The following ITGA9 variants were observed in gnomAD, a reference collection of about 807,000 sequenced individuals.
ITGA9 encodes integrin alpha-9.
Under a neutral mutation model 127.8 loss-of-function variants are expected in ITGA9, and 56 were observed. The observed-to-expected ratio is 0.44, with a 90% CI of 0.35 to 0.55. ITGA9 has a LOEUF of 0.55. Among genes scored for constraint, ITGA9 ranks in the 20% least tolerant of loss-of-function variants. ITGA9 has a pLI of 0.00. For missense variants in ITGA9, 1,196 were observed against 1,347.1 expected (o/e 0.89, Z 1.76); for synonymous variants, 508 against 514.5 (o/e 0.99, Z 0.17).
intron 14 of ITGA9, among the ~76,000 whole-genome samples, chr3:37,539,176 C>T (rs1264283481): frequency 6.6e-6 from 1 of 152,174 alleles, no homozygotes; most frequent in Non-Finnish European, 1.5e-5. Context: ...AATTATCTAG[C>T]ACAGTGCTTG....
intron 15 of ITGA9, among the ~76,000 whole-genome samples, chr3:37,582,832 G>C (rs932455367): frequency 3.3e-5 from 5 of 152,188 alleles, no homozygotes; most frequent in African/African-American, 9.7e-5. Context: ...GAAGATGTCT[G>C]TTCCACTTCT....
chr3:37,466,240 T>G (rs1386754937), intron 1 of ITGA9, among the ~76,000 whole-genome samples: 1 of 151,960 alleles, frequency 6.6e-6, no homozygotes, highest in Admixed American at 6.6e-5. Flanking sequence ...CCCAACACTT[T>G]GGGAGGCTGA....
chr3:37,583,153 T>C (rs1009293935), intron 15 of ITGA9, among the ~76,000 whole-genome samples: 1 of 152,212 alleles, frequency 6.6e-6, no homozygotes, highest in Admixed American at 6.5e-5. Context: ...TCTTTATTTC[T>C]GGATTCTCCT....
At chr3:37,622,188 C>T (rs1284995335) in intron 15 of ITGA9, among the ~76,000 whole-genome samples, 1 of 148,196 alleles carries the variant, frequency 6.7e-6, no homozygotes, top group African/African-American at 2.5e-5. Flanking sequence ...CCCAGGTTCA[C>T]ACCATTCTCC....
rs557337719 is a variant in ITGA9 at position 37,734,825 on chromosome 3, A to G, written c.2154+2027A>G. 2.6e-5 allele frequency among the ~76,000 whole-genome samples: 4 copies of G among 152,312 alleles called. No individual in the cohort carries two copies. The East Asian group carries it at 5.8e-4, about 22-fold the overall frequency. ...TTAGATAGAGCCCACAGAAGTATGAACATTGGAATGTTGGTTGTTTTCCCA... is the reference window on the plus strand; with the variant it reads ...TTAGATAGAGCCCACAGAAGTATGAGCATTGGAATGTTGGTTGTTTTCCCA... On this transcript the variant is annotated intron_variant, in intron 19 of 27. Transcript: ENST00000264741.
At chr3:37,741,169 G>A (rs762083932) in intron 20 of ITGA9, among the ~76,000 whole-genome samples, 12 of 152,216 alleles carry the variant, frequency 7.9e-5, no homozygotes, top group South Asian at 2.1e-4. Flanking sequence ...CAATCTATCC[G>A]CAAACTGGGC....
At chr3:37,756,262 A>G (rs1244835535) in intron 23 of ITGA9, among the ~76,000 whole-genome samples, 1 of 152,188 alleles carries the variant, frequency 6.6e-6, no homozygotes, top group Non-Finnish European at 1.5e-5. Flanking sequence ...TAAACAGAGC[A>G]AAAGAAAATA....
Position 37,703,984 on chromosome 3 carries a change from T to C in ITGA9, c.2067+19969T>C, listed in dbSNP as rs540761951. On this transcript the variant is annotated intron_variant, in intron 18 of 27. Transcript: ENST00000264741. The stretch of plus-strand genomic sequence containing the variant: ...CAAATACCAGCTTCCTTGGTGAGTA[T>C]TGGGGCTGGGGTTCAGGCACAGGCA... Among the ~76,000 whole-genome samples, 209 of 152,072 alleles carry C rather than the reference T, an allele frequency of 1.4e-3. 1 individual carries two copies. Among genetic ancestry groups the C allele is most frequent in the Middle Eastern group, 0.01 (3 of 292 alleles).
At chr3:37,802,312 C>A (rs976157998) in intron 26 of ITGA9, among the ~76,000 whole-genome samples, 1 of 152,198 alleles carries the variant, frequency 6.6e-6, no homozygotes, top group African/African-American at 2.4e-5. Flanking sequence ...ATAAGCAGTG[C>A]TAGGCATTAT....
At chr3:37,778,341 G>A (rs13083457) in intron 24 of ITGA9, among the ~76,000 whole-genome samples, 56,694 of 151,898 alleles carry the variant, frequency 0.37, 11,170 homozygotes, top group Non-Finnish European at 0.43. Flanking sequence ...AAGACAGGCC[G>A]GGCACGGTGG....
chr3:37,518,619 G>A (rs1699011191), intron 10 of ITGA9, among the ~76,000 whole-genome samples: 1 of 152,022 alleles, frequency 6.6e-6, no homozygotes, highest in Non-Finnish European at 1.5e-5. Flanking sequence ...AATAGCCATT[G>A]TCTATGGAAT....
At chr3:37,708,179 G>A (rs1167934248) in intron 18 of ITGA9, among the ~76,000 whole-genome samples, 3 of 152,184 alleles carry the variant, frequency 2.0e-5, no homozygotes, top group East Asian at 1.9e-4. Context: ...AGGTCAGCTG[G>A]AACCCAAATG....
intron 15 of ITGA9, among the ~76,000 whole-genome samples, chr3:37,595,838 G>C (rs1392472356): frequency 6.6e-6 from 1 of 152,212 alleles, no homozygotes; most frequent in African/African-American, 2.4e-5. Context: ...CGCCGACCTT[G>C]TGTGTTTGTC....
intron 5 of ITGA9, among the ~76,000 whole-genome samples, chr3:37,495,008 A>G (rs1385286886): frequency 6.6e-6 from 1 of 152,008 alleles, no homozygotes; most frequent in Non-Finnish European, 1.5e-5. Flanking sequence ...GAGTCTTGCT[A>G]TGTCACTCAA....
intron 15 of ITGA9, among the ~76,000 whole-genome samples, chr3:37,604,683 G>A (rs980041230): frequency 5.9e-5 from 9 of 152,130 alleles, no homozygotes; most frequent in African/African-American, 1.9e-4. Context: ...ACTCACTGTC[G>A]AACAGGAACC....
intron 9 of ITGA9, 145 bp from the exon 10 acceptor site, chr3:37,517,359 T>C: frequency 1.4e-6 from 1 of 699,504 alleles, no homozygotes; most frequent in Non-Finnish European, 2.5e-6. Context: ...GAAGTTTGGG[T>C]TCCTGTAATT....
intron 15 of ITGA9, among the ~76,000 whole-genome samples, chr3:37,628,075 G>A (rs963779473): frequency 6.6e-6 from 1 of 152,174 alleles, no homozygotes; most frequent in Non-Finnish European, 1.5e-5. Flanking sequence ...CACACAGAGA[G>A]TAGTATGAAG....
chr3:37,514,723 C>G (rs1267547962), intron 9 of ITGA9, among the ~76,000 whole-genome samples: 1 of 152,326 alleles, frequency 6.6e-6, no homozygotes, highest in East Asian at 1.9e-4. Flanking sequence ...GCACTTGCCA[C>G]CACACCCGGC....
intron 23 of ITGA9, among the ~76,000 whole-genome samples, chr3:37,766,783 G>A (rs555349043): frequency 2.7e-4 from 41 of 152,310 alleles, no homozygotes; most frequent in African/African-American, 9.4e-4. Context: ...ATTATCTGTG[G>A]AAGGAAAACA....
Sources: gnomAD v4.1 joint callset for allele counts (sites outside exome capture counted in the v4.1 genomes callset) on GRCh38, gnomAD v4.1.1 for gene constraint, MANE v1.5 for transcripts, NCBI Gene and HGNC (gene_info 2026-07-23, HGNC 2026-07-21) for gene names.